ARPP21: variants seen among roughly 807,000 people sequenced by gnomAD.
The protein encoded by ARPP21 is cAMP-regulated phosphoprotein 21.
A neutral mutation model predicts 113.2 loss-of-function variants in ARPP21; 69 were observed. The ratio of observed to expected loss-of-function variants is 0.61; its 90% CI spans 0.50 to 0.74. The LOEUF (loss-of-function observed/expected upper bound fraction) is 0.74, where lower values mean the gene tolerates loss of function less well. ARPP21 is among the 30% of genes least tolerant of loss of function. The pLI is 0.00. For synonymous variants in ARPP21, 368 were observed against 375.5 expected (o/e 0.98, Z 0.23); for missense variants, 1,070 against 1,037.4 (o/e 1.03, Z -0.43).
chr3:35,692,043 G>A (rs1021248094), intron 9 of ARPP21, among the ~76,000 whole-genome samples: 10 of 151,580 alleles, frequency 6.6e-5, no homozygotes, highest in South Asian at 2.1e-4. Context: ...GAAAGTCATA[G>A]TGAAGAGAGC....
rs1404779576 is a variant in ARPP21 at position 35,697,281 on chromosome 3, C to T, written c.686+6276C>T. Among the ~76,000 whole-genome samples the T allele has an allele frequency of 2.6e-5, 4 of 151,584 alleles. No individual in the cohort carries two copies. The South Asian group carries it at 6.2e-4, about 24-fold the overall frequency. On this transcript the variant is annotated intron_variant, in intron 9 of 20. Transcript: ENST00000684406. ...CAAATCCACTGAAAGAGAGTGGATA[C>T]AGGCCCTAGAAACTGTGAAACAAAA...
Position 35,737,251 on chromosome 3 carries a change from C to T in ARPP21, c.1533C>T (p.Ser511=), listed in dbSNP as rs562602597. 19 of 1,612,882 alleles carry T rather than the reference C, an allele frequency of 1.2e-5. No individual in the cohort carries two copies. The highest frequency in any genetic ancestry group is 6.7e-5 in the African/African-American group (5 of 75,032). The change falls in exon 16 of 21, where the codon AGC becomes AGT. Residue 511 remains serine, a synonymous_variant. Transcript: ENST00000684406. ...CCACCAGTCAGCAGCCCCTGCGAAG[C>T]GCCATGGTGGGGCAGTCCCAACAGC... ...NPPTSQQPLR[S]AMVGQSQQQP... is the part of the protein sequence containing the mutation.
At chr3:35,729,759 T>C (rs934967683) in intron 15 of ARPP21, among the ~76,000 whole-genome samples, 45 of 152,360 alleles carry the variant, frequency 3.0e-4, no homozygotes, top group Non-Finnish European at 6.3e-4. Flanking sequence ...TGTATAGATA[T>C]AGATATTTCC....
In ARPP21 at chr3:35,729,404, C is replaced by G. The variant is rs138398652; in HGVS notation, c.1327C>G (p.Pro443Ala). 1.3e-3 allele frequency: 2,098 copies of G among 1,614,152 alleles called. 5 individuals are homozygous for G. Among genetic ancestry groups the G allele is most frequent in the Non-Finnish European group, 1.5e-3 (1,822 of 1,180,022 alleles). ...PLVSGVAAGS[P>A]GCVPYPENGI... Reference sequence around the variant, plus strand: ...AGTCTCAGGTGTGGCAGCTGGCTCTCCAGGCTGTGTGCCTTATCCAGAGAA... The same window carrying G: ...AGTCTCAGGTGTGGCAGCTGGCTCTGCAGGCTGTGTGCCTTATCCAGAGAA... Residue 443 changes from proline (P) to alanine (A), a missense_variant, in exon 15 of 21, where the codon CCA becomes GCA. Pro to Ala is a conservative substitution (Grantham distance 27). Transcript: ENST00000684406.
chr3:35,750,906 T>C (rs1252629844), intron 19 of ARPP21, among the ~76,000 whole-genome samples: 3 of 152,176 alleles, frequency 2.0e-5, no homozygotes, highest in African/African-American at 7.2e-5. Flanking sequence ...GGTGAGCTGT[T>C]CCTATAAGCT....
intron 1 of ARPP21, among the ~76,000 whole-genome samples, chr3:35,679,408 T>C (rs987371299): frequency 5.9e-5 from 9 of 151,484 alleles, no homozygotes; most frequent in African/African-American, 1.9e-4. Context: ...ACAAAGGCTT[T>C]GGTTAGAAAA....
chr3:35,679,310 C>T (rs994901661), intron 1 of ARPP21, among the ~76,000 whole-genome samples: 2 of 151,758 alleles, frequency 1.3e-5, no homozygotes, highest in African/African-American at 2.4e-5. Context: ...TAAATCAAAA[C>T]CTTTCTGTAC....
chr3:35,720,004 G>C (rs2092896380), intron 13 of ARPP21, among the ~76,000 whole-genome samples: 1 of 152,152 alleles, frequency 6.6e-6, no homozygotes, highest in African/African-American at 2.4e-5. Flanking sequence ...TATCTCCCAA[G>C]GCTTTCTTGA....
intron 19 of ARPP21, among the ~76,000 whole-genome samples, chr3:35,748,791 C>CA (rs1435217153): frequency 6.6e-5 from 10 of 152,182 alleles, no homozygotes; most frequent in Admixed American, 2.6e-4. Context: ...TTTAAGGCCA[C>CA]AAAAATATTA....
At chr3:35,725,067 C>T (rs78950150) in intron 14 of ARPP21, among the ~76,000 whole-genome samples, 2,534 of 152,168 alleles carry the variant, frequency 0.017, 28 homozygotes, top group Non-Finnish European at 0.023. Context: ...TCCACTGAAT[C>T]GAAAAGCAGG....
intron 19 of ARPP21, among the ~76,000 whole-genome samples, chr3:35,770,596 A>G (rs1275517784): frequency 6.6e-6 from 1 of 152,216 alleles, no homozygotes; most frequent in African/African-American, 2.4e-5. Context: ...AGAAAAGTGA[A>G]TGCACTTGAC....
intron 5 of ARPP21, among the ~76,000 whole-genome samples, chr3:35,686,115 A>G (rs1263443253): frequency 6.6e-6 from 1 of 151,686 alleles, no homozygotes; most frequent in Non-Finnish European, 1.5e-5. Context: ...TTGAAGAAGC[A>G]ATGAGATGAC....
chr3:35,684,695 T>TAATTG (rs1371171704), intron 5 of ARPP21: 5 of 984,746 alleles, frequency 5.1e-6, no homozygotes, highest in Non-Finnish European at 6.0e-6. Context: ...CCTCTTACTT[T>TAATTG]AATTGAAATA....
chr3:35,654,357 C>G (rs1309942514), intron 1 of ARPP21, among the ~76,000 whole-genome samples: 6 of 151,924 alleles, frequency 3.9e-5, no homozygotes, highest in Admixed American at 3.9e-4. Flanking sequence ...AATACGTGCT[C>G]TAAGATATTC....
intron 6 of ARPP21, among the ~76,000 whole-genome samples, chr3:35,688,581 T>TAAAC (rs959247176): frequency 1.5e-4 from 23 of 151,624 alleles, no homozygotes; most frequent in African/African-American, 4.6e-4. Flanking sequence ...GCAGTAGACT[T>TAAAC]AAACAAACAA....
At chr3:35,644,602 T>A (rs1225593767) in intron 1 of ARPP21, among the ~76,000 whole-genome samples, 1 of 151,850 alleles carries the variant, frequency 6.6e-6, no homozygotes, top group Non-Finnish European at 1.5e-5. Context: ...GACATATCTG[T>A]GCTTTGAGAA....
At chr3:35,767,334 CTT>C (rs1179517938) in intron 19 of ARPP21, among the ~76,000 whole-genome samples, 11 of 152,216 alleles carry the variant, frequency 7.2e-5, no homozygotes, top group African/African-American at 2.6e-4. Flanking sequence ...GATATCATGT[CTT>C]AAGTTTCTAA....
chr3:35,690,794 A>G (rs1482594212), intron 8 of ARPP21, 71 bp from the exon 9 acceptor site: 1 of 1,398,386 alleles, frequency 7.2e-7, no homozygotes, highest in African/African-American at 1.5e-5. Context: ...TTTTGTGTGT[A>G]TACTTGTAAA....
chr3:35,698,630 T>C (rs1169811911), intron 9 of ARPP21, among the ~76,000 whole-genome samples: 1 of 151,628 alleles, frequency 6.6e-6, no homozygotes, highest in African/African-American at 2.4e-5. Flanking sequence ...TCAGTACTAC[T>C]GTCACTCAGC....
Sources: allele counts gnomAD v4.1 joint callset (sites outside exome capture counted in the v4.1 genomes callset), GRCh38; gene constraint gnomAD v4.1.1; transcripts MANE v1.5; gene names NCBI Gene and HGNC (gene_info 2026-07-23, HGNC 2026-07-21).